The following DNAH12 variants were observed in gnomAD, a reference collection of about 807,000 sequenced individuals.
The protein encoded by DNAH12 is dynein axonemal heavy chain 12.
Under a neutral mutation model 371.5 loss-of-function variants are expected in DNAH12, and 285 were observed. The observed-to-expected ratio is 0.77, with a 90% CI of 0.70 to 0.85. The LOEUF is 0.85. DNAH12 is among the 40% of genes least tolerant of loss of function. The probability of loss-of-function intolerance (pLI) is 0.00; values close to 1 mark genes in which losing one functional copy is unlikely to be tolerated. For synonymous variants in DNAH12, 1,200 were observed against 1,213.0 expected (o/e 0.99, Z 0.22); for missense variants, 3,611 against 3,689.4 (o/e 0.98, Z 0.55).
intron 34 of DNAH12, among the ~76,000 whole-genome samples, chr3:57,426,236 C>G (rs6765099): frequency 0.56 from 84,837 of 152,032 alleles, 24,984 homozygotes; most frequent in African/African-American, 0.76. Context: ...TTGAGAAATA[C>G]ACAAGAGTCA....
At chr3:57,503,474 C>A (rs909334489) in intron 9 of DNAH12, among the ~76,000 whole-genome samples, 1 of 151,580 alleles carries the variant, frequency 6.6e-6, no homozygotes, top group Admixed American at 6.6e-5. Flanking sequence ...CTGCAACCTC[C>A]GACTCCCTGG....
Position 57,453,256 on chromosome 3 carries a change from T to C in DNAH12, c.3604A>G (p.Ile1202Val), listed in dbSNP as rs2065808340. The C allele has an allele frequency of 6.6e-7, 1 of 1,524,800 alleles. No homozygotes were observed. The highest frequency in any genetic ancestry group is 8.8e-7 in the Non-Finnish European group (1 of 1,140,484). 94.5% of individuals were successfully genotyped at this position (1,524,800 alleles called of 1,614,324 possible). ...AGAAAAAGTCACATACCCATTTTAA[T>C]CATGTCCATGACCACATCTCTAGCA... The part of the protein sequence containing the change: ...VHARDVVMDM[I>V]KMGVSHDTDF... Residue 1202 changes from isoleucine to valine, a missense_variant, in exon 24 of 74, where the codon ATT (isoleucine) becomes GTT (valine). Ile to Val is a conservative substitution (Grantham distance 29). Transcript: ENST00000495027.
chr3:57,495,552 C>T (rs953907030), intron 11 of DNAH12, among the ~76,000 whole-genome samples: 6 of 146,538 alleles, frequency 4.1e-5, no homozygotes, highest in Non-Finnish European at 8.9e-5. Flanking sequence ...TAACCTCACT[C>T]TAGCCTGGGC....
At chr3:57,447,918 T>C (rs907001643) in intron 25 of DNAH12, among the ~76,000 whole-genome samples, 6 of 152,168 alleles carry the variant, frequency 3.9e-5, no homozygotes, top group Non-Finnish European at 7.3e-5. Flanking sequence ...CAAGCCATCC[T>C]CCTGCCTTAG....
At chr3:57,392,671 T>TA (rs1375414456) in intron 44 of DNAH12, among the ~76,000 whole-genome samples, 6 of 150,944 alleles carry the variant, frequency 4.0e-5, no homozygotes, top group Non-Finnish European at 8.9e-5. Context: ...ATAAAATAAC[T>TA]AAAAAAAAAG....
In DNAH12 at chr3:57,470,656, T is replaced by C; in HGVS notation, c.1912-20A>G. On this transcript the variant is annotated intron_variant, in intron 15 of 73. Coordinates refer to ENST00000495027, the MANE Select transcript of DNAH12 (RefSeq NM_001366028.2). ...CACATACTGAAAGTAAATAAGTTTT[T>C]TGTCTTAAAAAAAATTCAAGTAATG... The C allele has an allele frequency of 6.6e-7, 1 of 1,508,174 alleles. No homozygotes were observed. The highest frequency in any genetic ancestry group is 2.6e-5 in the Admixed American group (1 of 37,752). 93.4% of individuals were successfully genotyped at this position (1,508,174 alleles called of 1,614,324 possible).
chr3:57,534,940 C>T (rs1484582346), intron 2 of DNAH12, among the ~76,000 whole-genome samples: 1 of 152,130 alleles, frequency 6.6e-6, no homozygotes, highest in Non-Finnish European at 1.5e-5. Context: ...TTAATTATTC[C>T]TGTCAATGAA....
At chr3:57,454,401 A>G (rs1371670546) in intron 23 of DNAH12, among the ~76,000 whole-genome samples, 1 of 150,742 alleles carries the variant, frequency 6.6e-6, no homozygotes, top group Non-Finnish European at 1.5e-5. Flanking sequence ...AATCACTTGA[A>G]CCTGGGAGGC....
At position 57,473,661 on chromosome 3, in the gene DNAH12, T is replaced by C. The variant is rs373297709; in HGVS notation, c.1651-990A>G. 1.2e-3 allele frequency among the ~76,000 whole-genome samples: 185 copies of C among 150,116 alleles called. 7 individuals are homozygous for C. In the South Asian group the frequency reaches 0.038, roughly 31 times the overall value. ...CAGATTCAAAGGCAAATTTGAGGTT[T>C]TTGATTTTATATTATACATATGTAT... On this transcript the variant is annotated intron_variant, in intron 13 of 73. Coordinates refer to ENST00000495027, the MANE Select transcript of DNAH12 (RefSeq NM_001366028.2).
At chr3:57,389,840 A>ATAT (rs1559608294) in intron 45 of DNAH12, among the ~76,000 whole-genome samples, 11 of 98,626 alleles carry the variant, frequency 1.1e-4, no homozygotes, top group Non-Finnish European at 2.1e-4. Flanking sequence ...ATATATATAT[A>ATAT]ATACTTTTTT....
chr3:57,349,255 C>T (rs1183162475), intron 60 of DNAH12, among the ~76,000 whole-genome samples: 1 of 152,080 alleles, frequency 6.6e-6, no homozygotes, highest in African/African-American at 2.4e-5. Context: ...ATCAGGGAAT[C>T]GCAAATCAAA....
intron 43 of DNAH12, among the ~76,000 whole-genome samples, chr3:57,396,773 T>C (rs1339135771): frequency 2.0e-5 from 3 of 152,240 alleles, no homozygotes; most frequent in Non-Finnish European, 4.4e-5. Context: ...AGTTTCATCA[T>C]GTTGGCCAGG....
At chr3:57,415,289 A>T in intron 38 of DNAH12, 137 bp downstream of exon 38, 2 of 1,195,670 alleles carry the variant, frequency 1.7e-6, no homozygotes, top group Non-Finnish European at 2.3e-6. Context: ...AATTCCAAAA[A>T]CTTGTAACTC....
At chr3:57,364,719 C>T (rs2063009050) in intron 57 of DNAH12, among the ~76,000 whole-genome samples, 1 of 152,146 alleles carries the variant, frequency 6.6e-6, no homozygotes, top group Admixed American at 6.5e-5. Flanking sequence ...ATCAATCCAC[C>T]TGACAAAGGT....
rs115422139 is a variant in DNAH12, at chr3:57,331,135, G to A, written c.9978+3330C>T. On this transcript the variant is annotated intron_variant, in intron 62 of 73. Transcript: ENST00000495027. ...GACCTCAAGAAGCTCACAGTCTAGT[G>A]GGAGACCCTAAAAAGTAAGCAGACA... is the stretch of plus-strand genomic sequence containing the variant. Among the ~76,000 whole-genome samples, 437 of 152,280 alleles carry A rather than the reference G, an allele frequency of 2.9e-3. 1 individual carries two copies. The highest frequency in any genetic ancestry group is 0.01 in the African/African-American group (417 of 41,554).
chr3:57,413,640 C>T, intron 39 of DNAH12, 106 bp downstream of exon 39: 1 of 1,231,882 alleles, frequency 8.1e-7, no homozygotes, highest in Non-Finnish European at 1.1e-6. Context: ...ATCTGAGCAA[C>T]TATTCTTTTC....
rs1381271114 is a variant in DNAH12 at position 57,459,585 on chromosome 3, A to G, written c.2931+7T>C. Reference sequence around the variant, plus strand: ...ACCTACTGTGAGAGAGAAAACAAACACTTCACCTTTGGATCTTTAGCACAA... The same window carrying G: ...ACCTACTGTGAGAGAGAAAACAAACGCTTCACCTTTGGATCTTTAGCACAA... On this transcript the variant is annotated splice_region_variant and intron_variant, in intron 20 of 73. Transcript: ENST00000495027. The G allele has an allele frequency of 2.8e-6, 4 of 1,449,610 alleles. No individual in the cohort carries two copies. The highest frequency in any genetic ancestry group is 2.6e-5 in the East Asian group (1 of 38,566). The allele number at this position is 1,449,610 out of a possible 1,614,324, so 89.8% of individuals were successfully genotyped here. A position where few individuals can be genotyped will look rare whatever the true frequency, so the allele number is the denominator to read the frequency against.
At position 57,421,589 on chromosome 3, in the gene DNAH12, C is replaced by T; in HGVS notation, c.5491G>A (p.Val1831Met). 1.3e-6 allele frequency: 2 copies of T among 1,551,624 alleles called. No individual in the cohort carries two copies. The highest frequency in any genetic ancestry group is 1.7e-6 in the Non-Finnish European group (2 of 1,146,980). Residue 1831 changes from valine to methionine, a missense_variant, in exon 36 of 74, where the codon GTG (valine) becomes ATG (methionine). This residue lies in a region of DNAH12 where 2,266 missense variants were observed against 2,236.9 expected (regional missense o/e 1.01). Transcript: ENST00000495027. ...TCCCATTTACCCACAGAATCTGGCA[C>T]TGGGTTTTCATCATCTTTTCCCAGT... The part of the protein sequence containing the change: ...IILGKDDENP[V>M]PDSVGKWECP...
intron 42 of DNAH12, among the ~76,000 whole-genome samples, chr3:57,404,412 A>T (rs1293400751): frequency 2.0e-5 from 3 of 152,200 alleles, no homozygotes; most frequent in African/African-American, 4.8e-5. Flanking sequence ...GTATAGTAAA[A>T]GTTCTAAGAA....
Sources: allele counts gnomAD v4.1 joint callset (sites outside exome capture counted in the v4.1 genomes callset), GRCh38; gene constraint gnomAD v4.1.1; regional missense constraint gnomAD v4.1.1; transcripts MANE v1.5; gene names NCBI Gene and HGNC (gene_info 2026-07-23, HGNC 2026-07-21).